The following CYP2C18 variants were observed in gnomAD, a reference collection of about 807,000 sequenced individuals.
CYP2C18 encodes cytochrome P450 family 2 subfamily C member 18.
Under a neutral mutation model 41.3 loss-of-function variants are expected in CYP2C18, and 38 were observed. The observed-to-expected ratio is 0.92, with a 90% CI of 0.71 to 1.21. The LOEUF is 1.21. Among genes scored for constraint, CYP2C18 ranks in the 50% most tolerant of loss-of-function variants. The pLI, the probability that CYP2C18 is intolerant of heterozygous loss-of-function variation, is 0.00. For missense variants in CYP2C18, 635 were observed against 591.4 expected (o/e 1.07, Z -0.77); for synonymous variants, 236 against 210.0 (o/e 1.12, Z -1.07).
chr10:94,691,609 T>G (rs1336418113), intron 3 of CYP2C18, among the ~76,000 whole-genome samples: 5 of 152,176 alleles, frequency 3.3e-5, no homozygotes, highest in African/African-American at 1.2e-4. Flanking sequence ...CAAGGTAATT[T>G]ATAGATTCAA....
intron 6 of CYP2C18, 23 bp from the exon 7 acceptor site, chr10:94,724,323 A>T: frequency 6.2e-7 from 1 of 1,611,998 alleles, no homozygotes; most frequent in Non-Finnish European, 8.5e-7. Context: ...CTTTTCCATC[A>T]TTTCTTACTT....
chr10:94,697,766 A>C (rs1265757366), intron 4 of CYP2C18, among the ~76,000 whole-genome samples: 1 of 152,236 alleles, frequency 6.6e-6, no homozygotes, highest in African/African-American at 2.4e-5. Flanking sequence ...CATAGGCTCA[A>C]AATAAAGGGA....
Position 94,735,434 on chromosome 10 carries a change from T to C in CYP2C18, c.1463T>C (p.Ile488Thr). ...RVPPLYQLCF[I>T]PV is the part of the protein sequence containing the mutation. ...CCACCCTTGTACCAGCTCTGCTTCA[T>C]TCCTGTCTGAAGAAGGGCAGATAGT... Residue 488 changes from isoleucine (I) to threonine (T), a missense_variant, in exon 9 of 9, where the codon ATT becomes ACT. Physicochemically the swap from Ile to Thr is moderately conservative, Grantham distance 89. Transcript: ENST00000285979. The C allele has an allele frequency of 6.2e-7, 1 of 1,613,496 alleles. No individual in the cohort carries two copies. The highest frequency in any genetic ancestry group is 8.5e-7 in the Non-Finnish European group (1 of 1,179,548).
At chr10:94,695,880 C>T (rs1847107613) in intron 4 of CYP2C18, among the ~76,000 whole-genome samples, 1 of 152,144 alleles carries the variant, frequency 6.6e-6, no homozygotes, top group Non-Finnish European at 1.5e-5. Context: ...AAACCTCACT[C>T]ATTGATAGCA....
intron 5 of CYP2C18, 115 bp from the exon 6 acceptor site, chr10:94,720,280 CT>C (rs1847625301): frequency 3.5e-6 from 3 of 855,082 alleles, no homozygotes; most frequent in Non-Finnish European, 5.3e-6. Flanking sequence ...TAATACTGCA[CT>C]CTGTACAGTT....
Position 94,714,786 on chromosome 10 carries a change from A to C in CYP2C18, c.820-5610A>C, listed in dbSNP as rs1847509324. ...CCTTGGGAAGTATGGCCATTTTCAC[A>C]AAATTGTTTCTTCCTATCCGTAAGC... On this transcript the variant is annotated intron_variant, in intron 5 of 8. Coordinates refer to ENST00000285979, the MANE Select transcript of CYP2C18 (RefSeq NM_000772.3). Among the ~76,000 whole-genome samples, 3 of 152,196 alleles carry C rather than the reference A, an allele frequency of 2.0e-5. No individual in the cohort carries two copies. In the South Asian group the frequency reaches 6.2e-4, roughly 32 times the overall value.
chr10:94,694,062 C>T (rs1847067376), intron 3 of CYP2C18, among the ~76,000 whole-genome samples: 1 of 152,010 alleles, frequency 6.6e-6, no homozygotes, highest in Admixed American at 6.5e-5. Context: ...TTTATAATAA[C>T]ATAAGGTATT....
chr10:94,695,982 G>A (rs569248081), intron 4 of CYP2C18, among the ~76,000 whole-genome samples: 74 of 152,280 alleles, frequency 4.9e-4, no homozygotes, highest in African/African-American at 1.7e-3. Flanking sequence ...CAAAGTGGCC[G>A]GGAAGCTGGA....
At chr10:94,709,952 C>T (rs954267038) in intron 5 of CYP2C18, among the ~76,000 whole-genome samples, 10 of 151,910 alleles carry the variant, frequency 6.6e-5, no homozygotes, top group Non-Finnish European at 1.2e-4. Context: ...TTTCATTGAT[C>T]TATATAGCTT....
chr10:94,683,857 G>C lies in CYP2C18; in HGVS notation c.38G>C (p.Cys13Ser). Residue 13 changes from cysteine to serine, a missense_variant, in exon 1 of 9, where the codon TGT becomes TCT. Physicochemically the swap from Cys to Ser is moderately radical, Grantham distance 112. Coordinates refer to ENST00000285979, the MANE Select transcript of CYP2C18 (RefSeq NM_000772.3). The stretch of plus-strand genomic sequence containing the variant: ...GTGGCTCTGGTGCTCTGTCTCTCCT[G>C]TTTGTTTCTCCTTTCACTCTGGAGG... ...PAVALVLCLS[C>S]LFLLSLWRQS... is the part of the protein sequence containing the mutation. 6.2e-7 allele frequency: 1 copy of C among 1,610,416 alleles called. No individual in the cohort carries two copies.
At chr10:94,714,046 T>A (rs1032410815) in intron 5 of CYP2C18, among the ~76,000 whole-genome samples, 1 of 152,190 alleles carries the variant, frequency 6.6e-6, no homozygotes, top group Non-Finnish European at 1.5e-5. Context: ...CTTGTAAATT[T>A]GTTTGAGTTC....
chr10:94,693,261 T>C (rs572928129), intron 3 of CYP2C18, among the ~76,000 whole-genome samples: 30 of 152,220 alleles, frequency 2.0e-4, no homozygotes, highest in African/African-American at 6.5e-4. Context: ...ACCATCCCTT[T>C]TGGTACTGTC....
At chr10:94,728,087 A>G (rs1213335913) in intron 7 of CYP2C18, among the ~76,000 whole-genome samples, 13 of 151,992 alleles carry the variant, frequency 8.6e-5, no homozygotes, top group Non-Finnish European at 1.6e-4. Flanking sequence ...ACAAGCTTTT[A>G]ATTTGGTTAT....
intron 5 of CYP2C18, among the ~76,000 whole-genome samples, chr10:94,712,400 C>T (rs114645961): frequency 0.012 from 1,824 of 151,286 alleles, 31 homozygotes; most frequent in African/African-American, 0.041. Context: ...TCTATGAGTT[C>T]GGTTGTTTTA....
In CYP2C18 at chr10:94,724,319, C is replaced by A. The variant is rs1469857120; in HGVS notation, c.962-27C>A. The A allele has an allele frequency of 2.5e-6, 4 of 1,610,966 alleles. No individual in the cohort carries two copies. In the East Asian group the frequency reaches 8.9e-5, roughly 36 times the overall value. On this transcript the variant is annotated intron_variant, in intron 6 of 8. Coordinates refer to ENST00000285979, the MANE Select transcript of CYP2C18 (RefSeq NM_000772.3). ...CAAATGTGCCATTTTCCTCCTTTTCCATCATTTCTTACTTGTGTCTTATCA... is the reference window on the plus strand; with the variant it reads ...CAAATGTGCCATTTTCCTCCTTTTCAATCATTTCTTACTTGTGTCTTATCA...
Position 94,706,792 on chromosome 10 carries a change from T to A in CYP2C18, c.651T>A (p.Asn217Lys), listed in dbSNP as rs1395079832. Residue 217 changes from asparagine (N) to lysine (K), a missense_variant, in exon 5 of 9, where the codon AAT (asparagine) becomes AAA (lysine). Physicochemically the swap from Asn to Lys is moderately conservative, Grantham distance 94. Transcript: ENST00000285979. The stretch of plus-strand genomic sequence containing the variant: ...TTTTAAAAATCTTTAAGGTCTGCAA[T>A]AATTTCCCTGCTCTCATCGATTATC... ...ILSSPWIQVC[N>K]NFPALIDYLP... The A allele has an allele frequency of 6.4e-7, 1 of 1,568,028 alleles. No individual in the cohort carries two copies. The highest frequency in any genetic ancestry group is 8.7e-7 in the Non-Finnish European group (1 of 1,153,262).
At chr10:94,696,938 T>G (rs1043658671) in intron 4 of CYP2C18, among the ~76,000 whole-genome samples, 2 of 151,952 alleles carry the variant, frequency 1.3e-5, no homozygotes, top group African/African-American at 4.8e-5. Context: ...AAAAAAAGAA[T>G]AAGAAGAAAT....
intron 6 of CYP2C18, among the ~76,000 whole-genome samples, chr10:94,721,001 A>G (rs920900572): frequency 1.1e-4 from 17 of 151,960 alleles, no homozygotes; most frequent in Non-Finnish European, 1.8e-4. Context: ...AGTAATAGAT[A>G]TGCTCTTTCT....
At chr10:94,698,593 A>C (rs1847169333) in intron 4 of CYP2C18, among the ~76,000 whole-genome samples, 1 of 152,218 alleles carries the variant, frequency 6.6e-6, no homozygotes, top group Non-Finnish European at 1.5e-5. Flanking sequence ...GAGCAAACAC[A>C]TTCAAAAGCT....
Sources: allele counts gnomAD v4.1 joint callset (sites outside exome capture counted in the v4.1 genomes callset), GRCh38; gene constraint gnomAD v4.1.1; transcripts MANE v1.5; gene names NCBI Gene and HGNC (gene_info 2026-07-23, HGNC 2026-07-21).